Variants in SF3B6 observed in about 807,000 individuals in gnomAD.
SF3B6 encodes the protein splicing factor 3b subunit 6.
Under a neutral mutation model 15.9 loss-of-function variants are expected in SF3B6, and 3 were observed. That is an observed-to-expected ratio of 0.19 (90% CI 0.09 to 0.49). The LOEUF (loss-of-function observed/expected upper bound fraction) is 0.49. SF3B6 is among the 20% of genes least tolerant of loss of function. SF3B6 has a pLI of 0.97. For synonymous variants in SF3B6, 49 were observed against 51.1 expected, an observed-to-expected ratio of 0.96 and a Z score of 0.18; for missense variants, 71 against 154.3, an observed-to-expected ratio of 0.46 and a Z score of 2.86.
Position 24,076,180 on chromosome 2 carries a change from G to C in SF3B6, c.30+20C>G, listed in dbSNP as rs912832562. The C allele has an allele frequency of 6.2e-7, 1 of 1,614,028 alleles. No homozygotes were observed. Among genetic ancestry groups the C allele is most frequent in the Non-Finnish European group, 8.5e-7 (1 of 1,180,010 alleles). On this transcript the variant is annotated intron_variant, in intron 1 of 3. Transcript: ENST00000233468. ...CAAACCCGAAGTTCTCCCACCCTCC[G>C]CAGAACACCCGATACTCACGTTCGC...
chr2:24,075,311 A>G (rs1664717145), intron 1 of SF3B6, among the ~76,000 whole-genome samples: 1 of 150,720 alleles, frequency 6.6e-6, no homozygotes, highest in African/African-American at 2.4e-5. Flanking sequence ...CCATTTACAT[A>G]TACAATGGTC....
chr2:24,070,689 A>G (rs991591576), intron 2 of SF3B6, among the ~76,000 whole-genome samples: 15 of 152,244 alleles, frequency 9.9e-5, no homozygotes, highest in African/African-American at 3.6e-4. Flanking sequence ...CTGAAAGTCC[A>G]GTGTCCCAGA....
chr2:24,072,490 G>T (rs1398234496), intron 2 of SF3B6, among the ~76,000 whole-genome samples: 1 of 152,158 alleles, frequency 6.6e-6, no homozygotes, highest in African/African-American at 2.4e-5. Flanking sequence ...TGCTATGGGA[G>T]CAGAAGAGTG....
intron 2 of SF3B6, among the ~76,000 whole-genome samples, chr2:24,072,633 G>T (rs965021365): frequency 6.6e-5 from 10 of 152,258 alleles, no homozygotes; most frequent in African/African-American, 2.4e-4. Context: ...CCCAGATAAG[G>T]TTAAATATTT....
At chr2:24,073,900 T>C in intron 2 of SF3B6, 176 bp downstream of exon 2, 1 of 537,150 alleles carries the variant, frequency 1.9e-6, no homozygotes, top group Non-Finnish European at 3.3e-6. Context: ...AGGGTCTCAG[T>C]AGGTTTTCTC....
chr2:24,070,598 A>G (rs189246597), intron 2 of SF3B6, among the ~76,000 whole-genome samples: 1 of 152,358 alleles, frequency 6.6e-6, no homozygotes, highest in Admixed American at 6.5e-5. Flanking sequence ...TAAAAAGTAC[A>G]AAGTACCAAG....
chr2:24,068,800 G>A (rs957401462), intron 2 of SF3B6, among the ~76,000 whole-genome samples: 1 of 152,162 alleles, frequency 6.6e-6, no homozygotes, highest in Non-Finnish European at 1.5e-5. Context: ...AGGTGCTCTT[G>A]CCACCCTGAC....
chr2:24,074,029 T>C, intron 2 of SF3B6, 47 bp downstream of exon 2: 1 of 1,213,672 alleles, frequency 8.2e-7, no homozygotes, highest in African/African-American at 1.5e-5. Context: ...AATTCTGAAA[T>C]TACAGATTAT....
intron 1 of SF3B6, 57 bp downstream of exon 1, chr2:24,076,143 C>T: frequency 6.2e-7 from 1 of 1,609,452 alleles, no homozygotes; most frequent in Non-Finnish European, 8.5e-7. Context: ...CGATCCACGC[C>T]GCTAAGAAAG....
Position 24,067,828 on chromosome 2 carries a change from CT to C in SF3B6, c.311del (p.Lys104ArgfsTer7), listed in dbSNP as rs778996796. On this transcript the variant is annotated frameshift_variant, in exon 4 of 4. Coordinates refer to ENST00000233468, the MANE Select transcript of SF3B6 (RefSeq NM_016047.4). LOFTEE classifies it high-confidence loss of function. ...ANRAFQKMDT[K>X]KKEEQLKLLK... ...GAAGCTTCAACTGTTCCTCCTTCTT[CT>C]TTGTGTCCATCTTCTGAAATGCCTG... is the stretch of plus-strand genomic sequence containing the variant. The C allele has an allele frequency of 1.2e-6, 2 of 1,614,136 alleles. No homozygotes were observed. Among genetic ancestry groups the C allele is most frequent in the Non-Finnish European group, 1.7e-6 (2 of 1,180,004 alleles).
At chr2:24,070,555 T>C (rs1241092628) in intron 2 of SF3B6, among the ~76,000 whole-genome samples, 3 of 152,204 alleles carry the variant, frequency 2.0e-5, no homozygotes, top group Non-Finnish European at 2.9e-5. Flanking sequence ...GTGGGTTTAA[T>C]AATCAAAAGA....
chr2:24,073,223 C>G (rs1453352087), intron 2 of SF3B6, among the ~76,000 whole-genome samples: 1 of 152,200 alleles, frequency 6.6e-6, no homozygotes, highest in Non-Finnish European at 1.5e-5. Flanking sequence ...GAAATAAAAA[C>G]TTTATACGTA....
At chr2:24,073,123 A>G (rs1284668597) in intron 2 of SF3B6, among the ~76,000 whole-genome samples, 1 of 152,202 alleles carries the variant, frequency 6.6e-6, no homozygotes, top group Non-Finnish European at 1.5e-5. Flanking sequence ...CTCTGGAGGG[A>G]CAGTGTCATT....
In SF3B6 at chr2:24,076,234, G is replaced by A; in HGVS notation, c.-5C>T. ...CTTGGCCGCTTGCATCGCCATCTTGGCGGGCTGATGAAGTTACCGTAGCAG... is the reference window on the plus strand; with the variant it reads ...CTTGGCCGCTTGCATCGCCATCTTGACGGGCTGATGAAGTTACCGTAGCAG... On this transcript the variant is annotated 5_prime_UTR_variant, in exon 1 of 4. Transcript: ENST00000233468. 6.2e-7 allele frequency: 1 copy of A among 1,614,180 alleles called. No homozygotes were observed. The highest frequency in any genetic ancestry group is 8.5e-7 in the Non-Finnish European group (1 of 1,180,012).
In SF3B6 at chr2:24,073,963, T is replaced by C. The variant is rs952791187; in HGVS notation, c.149+113A>G. On this transcript the variant is annotated intron_variant, in intron 2 of 3. Coordinates refer to ENST00000233468, the MANE Select transcript of SF3B6 (RefSeq NM_016047.4). ...GATCTCAATCTGCTAGTCTCAAGGCTCTTGGTAAGGGTTGTCGCACTGCAC... is the reference window on the plus strand; with the variant it reads ...GATCTCAATCTGCTAGTCTCAAGGCCCTTGGTAAGGGTTGTCGCACTGCAC... 3 of 710,448 alleles carry C rather than the reference T, an allele frequency of 4.2e-6. No individual in the cohort carries two copies. The African/African-American group carries it at 5.4e-5, about 13-fold the overall frequency. 44.0% of individuals were successfully genotyped at this position (710,448 alleles called of 1,614,324 possible).
intron 2 of SF3B6, 46 bp from the exon 3 acceptor site, chr2:24,068,505 C>T: frequency 6.6e-7 from 1 of 1,524,098 alleles, no homozygotes; most frequent in South Asian, 1.2e-5. Flanking sequence ...TTTACCTGAG[C>T]ATTGATAGTT....
At chr2:24,075,158 C>T (rs1664713850) in intron 1 of SF3B6, among the ~76,000 whole-genome samples, 2 of 151,988 alleles carry the variant, frequency 1.3e-5, no homozygotes. Context: ...CATCCAATTT[C>T]CCTACTTCCT....
intron 3 of SF3B6, 52 bp from the exon 4 acceptor site, chr2:24,067,903 AT>A: frequency 6.8e-7 from 1 of 1,478,954 alleles, no homozygotes; most frequent in Admixed American, 1.7e-5. Flanking sequence ...AGCCAAATGA[AT>A]TTCATCAATA....
intron 2 of SF3B6, among the ~76,000 whole-genome samples, chr2:24,069,777 A>T (rs1418611151): frequency 6.6e-6 from 1 of 152,048 alleles, no homozygotes; most frequent in African/African-American, 2.4e-5. Flanking sequence ...GAATGCGCTC[A>T]CTTTGTCAGG....
Sources: allele counts gnomAD v4.1 joint callset (sites outside exome capture counted in the v4.1 genomes callset), GRCh38; gene constraint gnomAD v4.1.1; transcripts MANE v1.5; gene names NCBI Gene and HGNC (gene_info 2026-07-23, HGNC 2026-07-21).